The following ZNF730 variants were observed in gnomAD, a reference collection of about 807,000 sequenced individuals.
The protein encoded by ZNF730 is putative zinc finger protein 730.
In ZNF730, 12 loss-of-function variants were observed where a neutral mutation model predicts 12.6. The observed-to-expected ratio is 0.95, with a 90% confidence interval of 0.61 to 1.54. ZNF730 has a LOEUF of 1.54. ZNF730 is among the 40% of genes most tolerant of loss of function. The probability of loss-of-function intolerance (pLI) is 0.00; values close to 1 mark genes in which losing one functional copy is unlikely to be tolerated. For synonymous variants in ZNF730, 194 were observed against 195.8 expected (o/e 0.99, Z 0.08); for missense variants, 643 against 583.5 (o/e 1.10, Z -1.05).
At chr19:23,098,552 A>G (rs953602055) in intron 1 of ZNF730, 1 of 152,220 alleles carries the variant, frequency 6.6e-6, no homozygotes, top group Non-Finnish European at 1.5e-5. Flanking sequence ...TGCATCTATT[A>G]CATAAAAAAT....
At chr19:23,076,638 T>C (rs76827809) in intron 1 of ZNF730, among the ~76,000 whole-genome samples, 6,693 of 152,228 alleles carry the variant, frequency 0.044, 182 homozygotes, top group East Asian at 0.11. Context: ...AACTGGGTGG[T>C]CTGGGCCTGA....
intron 1 of ZNF730, among the ~76,000 whole-genome samples, chr19:23,105,977 T>C (rs945511189): frequency 3.3e-5 from 5 of 152,134 alleles, no homozygotes; most frequent in African/African-American, 1.2e-4. Context: ...TTATATGGCA[T>C]TGTAGAAAAA....
At position 23,085,931 on chromosome 19, in the gene ZNF730, C is replaced by T. The variant is rs7252781; in HGVS notation, c.-94+10544C>T. Among the ~76,000 whole-genome samples the T allele has an allele frequency of 5.3e-3, 785 of 149,182 alleles. 5 individuals are homozygous for T. The highest frequency in any genetic ancestry group is 0.018 in the African/African-American group (720 of 40,312). ...CACGATCTCGGCTCACTGCAGCCTC[C>T]GCCTCCCAGGTTCAAGCAATTCTCT... On this transcript the variant is annotated intron_variant, in intron 1 of 2. Transcript: ENST00000593635.
rs762333392 is a variant in ZNF730 at position 23,145,360 on chromosome 19, T to A, written c.316T>A (p.Cys106Ser). 1.3e-6 allele frequency: 2 copies of A among 1,595,088 alleles called. No individual in the cohort carries two copies. The highest frequency in any genetic ancestry group is 3.5e-5 in the Admixed American group (2 of 57,076). Residue 106 changes from cysteine to serine, a missense_variant, in exon 4 of 4, where the codon TGT (cysteine) becomes AGT (serine). Coordinates refer to ENST00000597761, the MANE Select transcript of ZNF730 (RefSeq NM_001277403.2). The part of the protein sequence containing the change: ...QEVILRQYKK[C>S]RHENLLLRKG... ...AGTCATACTGAGACAATATAAAAAA[T>A]GTAGACATGAGAATTTACTGTTAAG...
In ZNF730 at chr19:23,145,658, A is replaced by G. The variant is rs1599604238; in HGVS notation, c.614A>G (p.Glu205Gly). 3 of 1,556,514 alleles carry G rather than the reference A, an allele frequency of 1.9e-6. No individual in the cohort carries two copies. The East Asian group carries it at 7.2e-5, about 37-fold the overall frequency. The change falls in exon 4 of 4, where the codon GAA becomes GGA. Residue 205 changes from glutamate (E) to glycine (G), a missense_variant. Glu to Gly is a moderately conservative substitution (Grantham distance 98, BLOSUM62 -2). Coordinates refer to ENST00000597761, the MANE Select transcript of ZNF730 (RefSeq NM_001277403.2). ...GGAGAGAAATCCTACAAATGTGAAG[A>G]ATATGGCAAAGCCTTTAATGAGTCC... ...HTGEKSYKCE[E>G]YGKAFNESSN...
intron 1 of ZNF730, among the ~76,000 whole-genome samples, chr19:23,087,545 T>C (rs1301353471): frequency 6.6e-6 from 1 of 152,206 alleles, no homozygotes; most frequent in Non-Finnish European, 1.5e-5. Context: ...AAGATTATGT[T>C]ATCTGCAAAC....
upstream of ZNF730, among the ~76,000 whole-genome samples, chr19:23,113,769 C>T (rs746535329): frequency 1.2e-4 from 18 of 152,060 alleles, no homozygotes; most frequent in Non-Finnish European, 2.2e-4. Flanking sequence ...TTACAAAACC[C>T]ATAGTTCTGC....
upstream of ZNF730, among the ~76,000 whole-genome samples, chr19:23,114,588 A>T (rs556874479): frequency 1.3e-5 from 2 of 151,846 alleles, no homozygotes; most frequent in African/African-American, 4.8e-5. Flanking sequence ...TCCTGACTTC[A>T]TGATCCGCCC....
At position 23,133,934 on chromosome 19, in the gene ZNF730, T is replaced by C; in HGVS notation, c.4-146T>C. ...GAGTATATTTTCACAGAGTAGAGAA[T>C]ATTTCTGTGTTGAAGGTTATTAGAT... On this transcript the variant is annotated intron_variant, in intron 1 of 3. Coordinates refer to ENST00000597761, the MANE Select transcript of ZNF730 (RefSeq NM_001277403.2). 3 of 888,158 alleles carry C rather than the reference T, an allele frequency of 3.4e-6. 1 individual carries two copies. The South Asian group carries it at 5.4e-5, about 16-fold the overall frequency. 55.0% of individuals were successfully genotyped at this position (888,158 alleles called of 1,614,324 possible). A position where few individuals can be genotyped will look rare whatever the true frequency, so the allele number is the denominator to read the frequency against.
intron 1 of ZNF730, among the ~76,000 whole-genome samples, chr19:23,101,015 A>G (rs566308883): frequency 2.0e-5 from 3 of 152,306 alleles, no homozygotes; most frequent in East Asian, 1.9e-4. Flanking sequence ...GACTAAACCA[A>G]TAGTTTAGTT....
At chr19:23,104,265 G>A (rs542285346) in intron 1 of ZNF730, among the ~76,000 whole-genome samples, 6 of 143,186 alleles carry the variant, frequency 4.2e-5, no homozygotes, top group Middle Eastern at 4.0e-3. Context: ...TCACACCACT[G>A]CACTTTAGCC....
chr19:23,076,373 C>G lies in ZNF730; in HGVS notation c.-94+986C>G, dbSNP rs114688681. 3.7e-3 allele frequency among the ~76,000 whole-genome samples: 558 copies of G among 152,250 alleles called. 7 individuals are homozygous for G. The highest frequency in any genetic ancestry group is 0.013 in the African/African-American group (528 of 41,526). ...AAATAAAAATAAAAATTATCTCTGC[C>G]TCTCCCACTTTTATCTTCCCTAGGT... is the stretch of plus-strand genomic sequence containing the variant. On this transcript the variant is annotated intron_variant, in intron 1 of 2. Coordinates refer to the ZNF730 transcript ENST00000593635.
chr19:23,093,350 G>C (rs1599573121), intron 1 of ZNF730, among the ~76,000 whole-genome samples: 1 of 152,302 alleles, frequency 6.6e-6, no homozygotes, highest in African/African-American at 2.4e-5. Flanking sequence ...GAATTCAACT[G>C]TGAATCTTTC....
intron 1 of ZNF730, among the ~76,000 whole-genome samples, chr19:23,079,356 C>T (rs1969924715): frequency 6.6e-6 from 1 of 152,054 alleles, no homozygotes. Context: ...GAGGGTTTCT[C>T]CACGTTGGTC....
intron 1 of ZNF730, among the ~76,000 whole-genome samples, chr19:23,101,571 G>C (rs1970336316): frequency 6.6e-6 from 1 of 152,178 alleles, no homozygotes; most frequent in Non-Finnish European, 1.5e-5. Context: ...TGACTTTGCT[G>C]CCTTGGCCCA....
At chr19:23,085,496 CT>C (rs58871710) in intron 1 of ZNF730, among the ~76,000 whole-genome samples, 7,540 of 51,536 alleles carry the variant, frequency 0.15, 589 homozygotes, top group Non-Finnish European at 0.2. Context: ...CCATGCCCGT[CT>C]TTTTTTTTTT....
intron 1 of ZNF730, among the ~76,000 whole-genome samples, chr19:23,079,231 C>T (rs761491005): frequency 2.0e-5 from 3 of 152,190 alleles, no homozygotes; most frequent in African/African-American, 4.8e-5. Flanking sequence ...GACCTTGGCT[C>T]ACTGCAACCT....
In ZNF730 at chr19:23,109,329, A is replaced by G. The variant is rs186064310; in HGVS notation, c.-93-24751A>G. Among the ~76,000 whole-genome samples, 457 of 152,112 alleles carry G rather than the reference A, an allele frequency of 3.0e-3. 2 individuals carry two copies. The highest frequency in any genetic ancestry group is 0.011 in the African/African-American group (447 of 41,498). On this transcript the variant is annotated intron_variant, in intron 1 of 2. Coordinates refer to the ZNF730 transcript ENST00000593635. ...ACTGCAACCCCGCCTCCCAGGTTCA[A>G]GTGATTCTCCTGCCTCAGTCTCTCA...
chr19:23,085,444 C>A (rs1409882471), intron 1 of ZNF730, among the ~76,000 whole-genome samples: 1 of 149,698 alleles, frequency 6.7e-6, no homozygotes, highest in African/African-American at 2.5e-5. Context: ...ATGATCCGCC[C>A]TCCTCAGCCT....
Sources: allele counts gnomAD v4.1 joint callset (sites outside exome capture counted in the v4.1 genomes callset), GRCh38; gene constraint gnomAD v4.1.1; transcripts MANE v1.5; gene names NCBI Gene and HGNC (gene_info 2026-07-23, HGNC 2026-07-21).